The following SLC12A1 variants were observed in gnomAD, a reference collection of about 807,000 sequenced individuals.
SLC12A1 encodes solute carrier family 12 member 1, also known as Na-K-2Cl cotransporter.
Under a neutral mutation model 130.4 loss-of-function variants are expected in SLC12A1, and 89 were observed. That is an observed-to-expected ratio of 0.68 (90% CI 0.58 to 0.81). The LOEUF (loss-of-function observed/expected upper bound fraction) is 0.81. Ranked by LOEUF, SLC12A1 falls within the 40% of genes least tolerant of loss-of-function variation. The probability of loss-of-function intolerance (pLI) is 0.00; values close to 1 mark genes in which losing one functional copy is unlikely to be tolerated. For synonymous variants in SLC12A1, 499 were observed against 460.0 expected (o/e 1.08, Z -1.09); for missense variants, 1,310 against 1,336.4 (o/e 0.98, Z 0.31).
chr15:48,243,877 T>C (rs1419267415), intron 10 of SLC12A1, among the ~76,000 whole-genome samples: 2 of 152,224 alleles, frequency 1.3e-5, no homozygotes, highest in African/African-American at 4.8e-5. Context: ...GTATTTATCC[T>C]TCATGTAGTT....
rs774921568 is a variant in SLC12A1 at position 48,220,719 on chromosome 15, A to G, written c.506A>G (p.Asp169Gly). 6.2e-6 allele frequency: 10 copies of G among 1,613,904 alleles called. No individual in the cohort carries two copies. Among genetic ancestry groups the G allele is most frequent in the East Asian group, 2.2e-5 (1 of 44,862 alleles). Residue 169 changes from aspartate to glycine, a missense_variant, in exon 3 of 27, where the codon GAT (aspartate) becomes GGT (glycine). Transcript: ENST00000380993. ...GATGAACAAGCTGAAAATAAGGAAG[A>G]TGATCAAGCTGGTGTTGTGAAGTTT... ...PGDEQAENKE[D>G]DQAGVVKFGW...
chr15:48,282,118 A>C (rs1342049218), intron 20 of SLC12A1, among the ~76,000 whole-genome samples: 1 of 152,236 alleles, frequency 6.6e-6, no homozygotes, highest in Admixed American at 6.5e-5. Flanking sequence ...GAACTTGCGA[A>C]AATCACTATG....
chr15:48,244,509 C>A (rs184322887), intron 10 of SLC12A1, among the ~76,000 whole-genome samples: 155 of 152,262 alleles, frequency 1.0e-3, no homozygotes, highest in Non-Finnish European at 1.6e-4. Context: ...GACTGAGTGT[C>A]AACTCCCAAG....
intron 8 of SLC12A1, 38 bp downstream of exon 8, chr15:48,232,876 T>A: frequency 8.2e-7 from 1 of 1,218,906 alleles, no homozygotes; most frequent in Non-Finnish European, 1.2e-6. Flanking sequence ...ATTAAATACT[T>A]CTCCATTGCC....
chr15:48,234,919 G>C lies in SLC12A1; in HGVS notation c.1130G>C (p.Gly377Ala). ...AENFGPRFTKGEGFFSVFAIF... is the reference protein window; with the variant it reads ...AENFGPRFTKAEGFFSVFAIF... Reference sequence around the variant, plus strand: ...AACTTTGGGCCACGCTTCACAAAGGGTGAAGGCTTCTTCTCTGTCTTTGCC... The same window carrying C: ...AACTTTGGGCCACGCTTCACAAAGGCTGAAGGCTTCTTCTCTGTCTTTGCC... The change falls in exon 9 of 27, where the codon GGT (glycine) becomes GCT (alanine). Residue 377 changes from glycine to alanine, a missense_variant. By Grantham distance (60) the Gly-to-Ala change is moderately conservative (BLOSUM62 0). Transcript: ENST00000380993. The C allele has an allele frequency of 6.2e-7, 1 of 1,613,812 alleles. No homozygotes were observed. Among genetic ancestry groups the C allele is most frequent in the South Asian group, 1.1e-5 (1 of 91,076 alleles).
chr15:48,274,587 G>A lies in SLC12A1; in HGVS notation c.2419G>A (p.Glu807Lys). 6.2e-7 allele frequency: 1 copy of A among 1,612,742 alleles called. No individual in the cohort carries two copies. Among genetic ancestry groups the A allele is most frequent in the Non-Finnish European group, 8.5e-7 (1 of 1,179,272 alleles). ...VGIIHDAFDFEIGVVIVRISQ... is the reference protein window; with the variant it reads ...VGIIHDAFDFKIGVVIVRISQ... ...CTCTTTCAGTGATGCATTTGATTTTGAGATTGGCGTGGTTATAGTCAGAAT... is the reference window on the plus strand; with the variant it reads ...CTCTTTCAGTGATGCATTTGATTTTAAGATTGGCGTGGTTATAGTCAGAAT... Residue 807 changes from glutamate to lysine, a missense_variant, in exon 20 of 27, where the codon GAG (glutamate) becomes AAG (lysine). Glu to Lys is a moderately conservative substitution (Grantham distance 56). Coordinates refer to ENST00000380993, the MANE Select transcript of SLC12A1 (RefSeq NM_000338.3).
In SLC12A1 at chr15:48,214,284, C is replaced by G. The variant is rs528696276; in HGVS notation, c.420+6145C>G. Among the ~76,000 whole-genome samples, 10 of 152,150 alleles carry G rather than the reference C, an allele frequency of 6.6e-5. No homozygotes were observed. In the South Asian group the frequency reaches 2.1e-3, roughly 32 times the overall value. ...CAATCTCTGGGAAAAAAAACAAAAACAAAAACAATTAATTTTTTATTATAA... is the reference window on the plus strand; with the variant it reads ...CAATCTCTGGGAAAAAAAACAAAAAGAAAAACAATTAATTTTTTATTATAA... On this transcript the variant is annotated intron_variant, in intron 2 of 26. Transcript: ENST00000380993.
At chr15:48,242,089 C>T (rs1185091895) in intron 10 of SLC12A1, among the ~76,000 whole-genome samples, 1 of 152,158 alleles carries the variant, frequency 6.6e-6, no homozygotes, top group African/African-American at 2.4e-5. Flanking sequence ...CACCAATTGG[C>T]AGGATATCAG....
intron 17 of SLC12A1, among the ~76,000 whole-genome samples, chr15:48,266,050 A>G (rs76462858): frequency 0.049 from 7,456 of 152,280 alleles, 531 homozygotes; most frequent in African/African-American, 0.15. Context: ...GCATATCTCA[A>G]TGTGAACCAG....
At chr15:48,251,514 T>A (rs1752923564) in intron 14 of SLC12A1, 101 bp from the exon 15 acceptor site, 1 of 937,364 alleles carries the variant, frequency 1.1e-6, no homozygotes, top group South Asian at 1.4e-5. Context: ...AAGTTCTGAT[T>A]CTTTATGTCA....
At chr15:48,273,082 G>A (rs2041914621) in intron 19 of SLC12A1, among the ~76,000 whole-genome samples, 2 of 145,844 alleles carry the variant, frequency 1.4e-5, no homozygotes, top group South Asian at 2.2e-4. Context: ...TCCAGCCTGG[G>A]TGGCAGAGTC....
intron 19 of SLC12A1, among the ~76,000 whole-genome samples, chr15:48,271,955 G>A (rs2041903239): frequency 1.3e-5 from 2 of 152,160 alleles, no homozygotes; most frequent in African/African-American, 4.8e-5. Flanking sequence ...AGAGCAAATA[G>A]GAAGTAACGT....
intron 23 of SLC12A1, among the ~76,000 whole-genome samples, chr15:48,290,706 T>TTATGCATA (rs200307690): frequency 2.0e-5 from 3 of 152,060 alleles, no homozygotes; most frequent in Non-Finnish European, 4.4e-5. Flanking sequence ...TGCATATATA[T>TTATGCATA]TATGCATATA....
intron 15 of SLC12A1, among the ~76,000 whole-genome samples, chr15:48,252,033 T>C (rs1303375578): frequency 1.3e-5 from 2 of 151,954 alleles, no homozygotes; most frequent in African/African-American, 4.8e-5. Context: ...TGAAACCCCA[T>C]CTCTACTAAA....
chr15:48,251,896 G>A (rs549392918), intron 15 of SLC12A1, 126 bp downstream of exon 15: 27 of 788,634 alleles, frequency 3.4e-5, no homozygotes, highest in Middle Eastern at 3.6e-4. Context: ...TAATAATATC[G>A]TGCAATATAA....
At chr15:48,219,271 G>A (rs891993977) in intron 2 of SLC12A1, among the ~76,000 whole-genome samples, 1 of 152,202 alleles carries the variant, frequency 6.6e-6, no homozygotes, top group Non-Finnish European at 1.5e-5. Flanking sequence ...TCGGCCGGGT[G>A]TGGTGGCTCA....
At chr15:48,292,336 G>T (rs754791722) in intron 24 of SLC12A1, among the ~76,000 whole-genome samples, 7 of 152,120 alleles carry the variant, frequency 4.6e-5, no homozygotes, top group Admixed American at 6.5e-5. Context: ...GGCACTAAAG[G>T]CCCAACAGGG....
intron 9 of SLC12A1, among the ~76,000 whole-genome samples, chr15:48,240,808 T>C (rs1427905114): frequency 2.6e-5 from 4 of 152,172 alleles, no homozygotes; most frequent in Non-Finnish European, 5.9e-5. Context: ...ACTTAAGAAT[T>C]GATTTTATAT....
chr15:48,266,445 C>CTTTTT (rs67628277), intron 17 of SLC12A1, among the ~76,000 whole-genome samples: 2 of 144,442 alleles, frequency 1.4e-5, no homozygotes, highest in Non-Finnish European at 1.5e-5. Flanking sequence ...AAAGCCTGGG[C>CTTTTT]TTTTTTTTTT....
Sources: allele counts gnomAD v4.1 joint callset (sites outside exome capture counted in the v4.1 genomes callset), GRCh38; gene constraint gnomAD v4.1.1; transcripts MANE v1.5; gene names NCBI Gene and HGNC (gene_info 2026-07-23, HGNC 2026-07-21).